TNXB: variants seen among roughly 807,000 people sequenced by gnomAD.
The protein encoded by TNXB is tenascin-X.
A neutral mutation model predicts 340.5 loss-of-function variants in TNXB; 183 were observed. The observed-to-expected ratio is 0.54, with a 90% CI of 0.48 to 0.61. TNXB has a LOEUF of 0.61. Ranked by LOEUF, TNXB falls within the 20% of genes least tolerant of loss-of-function variation. TNXB has a pLI of 0.00. For missense variants in TNXB, 4,613 were observed against 5,446.4 expected (o/e 0.85, Z 4.82); for synonymous variants, 2,121 against 2,314.5 (o/e 0.92, Z 2.40).
In TNXB at chr6:32,098,213, G is replaced by C. The variant is rs1780525968; in HGVS notation, c.-8-7C>G. On this transcript the variant is annotated splice_polypyrimidine_tract_variant and splice_region_variant and intron_variant, in intron 1 of 43. Transcript: ENST00000644971. The stretch of plus-strand genomic sequence containing the variant: ...GCTGGCATCATTCAGGAGGCTGCAG[G>C]GAGAAAGGGTAGGTATGAGAGCAGC... 6.7e-7 allele frequency: 1 copy of C among 1,487,890 alleles called. No homozygotes were observed. The highest frequency in any genetic ancestry group is 9.0e-7 in the Non-Finnish European group (1 of 1,116,014). The allele number at this position is 1,487,890 out of a possible 1,614,324, so 92.2% of individuals were successfully genotyped here.
intron 3 of TNXB, 21 bp downstream of exon 3, chr6:32,095,590 T>G: frequency 6.3e-7 from 1 of 1,599,446 alleles, no homozygotes; most frequent in East Asian, 2.2e-5. Flanking sequence ...CAGAGTACAC[T>G]GGGGAAGGCT....
chr6:32,094,094 T>A (rs1254981252), intron 4 of TNXB, among the ~76,000 whole-genome samples: 1 of 30,700 alleles, frequency 3.3e-5, no homozygotes. Context: ...ACTCTCTGTC[T>A]CAAAAAAAAA....
intron 19 of TNXB, among the ~76,000 whole-genome samples, chr6:32,063,349 C>T (rs545190770): frequency 2.6e-5 from 4 of 151,638 alleles, no homozygotes; most frequent in East Asian, 1.9e-4. Context: ...GATCGCACCA[C>T]GGCACTCCAG....
chr6:32,060,777 T>C (rs1389013064), intron 21 of TNXB, among the ~76,000 whole-genome samples: 1 of 151,934 alleles, frequency 6.6e-6, no homozygotes, highest in African/African-American at 2.4e-5. Context: ...TAACTGGGAT[T>C]ACAGGCATGT....
rs1301656647 is a variant in TNXB, at chr6:32,097,451, T to C, written c.404-2A>G. 1.9e-6 allele frequency: 3 copies of C among 1,587,536 alleles called. No homozygotes were observed. Among genetic ancestry groups the C allele is most frequent in the African/African-American group, 1.3e-5 (1 of 74,658 alleles). ...AGAGGGTCCGCACATCTGTCTGACC[T>C]GGAGTAGGAGGGGAGAGGCAAGTCT... On this transcript the variant is annotated splice_acceptor_variant, in intron 2 of 43. Coordinates refer to ENST00000644971, the MANE Select transcript of TNXB (RefSeq NM_001365276.2). LOFTEE classifies it high-confidence loss of function. The surrounding 1 kb of genome is among the most constrained non-coding windows in gnomAD (Gnocchi z 5.9).
At chr6:32,105,728 A>G (rs1780945374) in intron 1 of TNXB, among the ~76,000 whole-genome samples, 1 of 152,224 alleles carries the variant, frequency 6.6e-6, no homozygotes, top group African/African-American at 2.4e-5. Flanking sequence ...TCCTGGCAGG[A>G]CCAGATGGTA....
Position 32,085,861 on chromosome 6 carries a change from G to A in TNXB, c.3037C>T (p.Arg1013Cys), listed in dbSNP as rs778207341. The change falls in exon 7 of 44, where the codon CGC (arginine) becomes TGC (cysteine). Residue 1013 changes from arginine to cysteine, a missense_variant. By Grantham distance (180) the Arg-to-Cys change is radical. Transcript: ENST00000644971. This position sits in a 1 kb window ranked among gnomAD's most constrained non-coding sequence, Gnocchi z 6.4. ...GGGGGTGGAGGCACCAGAGCCTGGCGGACGTCCCCTGGCAGCACTTCCTCA... is the reference window on the plus strand; with the variant it reads ...GGGGGTGGAGGCACCAGAGCCTGGCAGACGTCCCCTGGCAGCACTTCCTCA... ...AHEEVLPGDV[R>C]QALVPPPPPG... The A allele has an allele frequency of 1.6e-5, 26 of 1,608,478 alleles. No homozygotes were observed. Among genetic ancestry groups the A allele is most frequent in the Non-Finnish European group, 1.7e-5 (20 of 1,178,604 alleles).
In TNXB at chr6:32,048,642, G is replaced by A. The variant is rs774464961; in HGVS notation, c.9766C>T (p.Pro3256Ser). 4.1e-6 allele frequency: 6 copies of A among 1,481,366 alleles called. No homozygotes were observed. Among genetic ancestry groups the A allele is most frequent in the Non-Finnish European group, 5.4e-6 (6 of 1,110,160 alleles). 91.8% of individuals were successfully genotyped at this position (1,481,366 alleles called of 1,614,324 possible). Reference sequence around the variant, plus strand: ...CGGGGCTCCACCGGCAGTGGTGTGGGCAGGGGCGCTGAAAAGAGCAGAGCA... The same window carrying A: ...CGGGGCTCCACCGGCAGTGGTGTGGACAGGGGCGCTGAAAAGAGCAGAGCA... The part of the protein sequence containing the change: ...VSTVGITAPL[P>S]TPLPVEPRLG... The change falls in exon 29 of 44, where the codon CCC (proline) becomes TCC (serine). Residue 3256 changes from proline to serine, a missense_variant. By Grantham distance (74) the Pro-to-Ser change is moderately conservative. Coordinates refer to ENST00000644971, the MANE Select transcript of TNXB (RefSeq NM_001365276.2).
Position 32,096,107 on chromosome 6 carries a change from G to A in TNXB, c.1746C>T (p.Gly582=). 1 of 1,607,390 alleles carries A rather than the reference G, an allele frequency of 6.2e-7. No homozygotes were observed. Among genetic ancestry groups the A allele is most frequent in the Non-Finnish European group, 8.5e-7 (1 of 1,177,740 alleles). Residue 582 remains glycine (G), a synonymous_variant, in exon 3 of 44, where the codon GGC becomes GGT. Transcript: ENST00000644971. Reference sequence around the variant, plus strand: ...GGCACTGCCTCACACCGCAATCCTCGCCAGAGTAGCCGTCCTCGCACACAC... The same window carrying A: ...GGCACTGCCTCACACCGCAATCCTCACCAGAGTAGCCGTCCTCGCACACAC... ...GRCVCEDGYS[G]EDCGVRQCPN...
Position 32,080,686 on chromosome 6 carries a change from C to G in TNXB, c.4042+682G>C, listed in dbSNP as rs749562520. ...GTAGTGAGACTCGGGCAGTTGGCTC[C>G]GGAGTCTTTGCTCCTAACCACTATC... is the stretch of plus-strand genomic sequence containing the variant. On this transcript the variant is annotated intron_variant, in intron 10 of 43. Coordinates refer to ENST00000644971, the MANE Select transcript of TNXB (RefSeq NM_001365276.2). The surrounding 1 kb of genome is among the most constrained non-coding windows in gnomAD (Gnocchi z 4.3). Among the ~76,000 whole-genome samples, 1 of 152,132 alleles carries G rather than the reference C, an allele frequency of 6.6e-6. No individual in the cohort carries two copies. The highest frequency in any genetic ancestry group is 1.9e-4 in the East Asian group (1 of 5,192).
chr6:32,102,918 C>G (rs1189966107), intron 1 of TNXB, among the ~76,000 whole-genome samples: 2 of 151,460 alleles, frequency 1.3e-5, no homozygotes, highest in Admixed American at 6.6e-5. Context: ...GACTCTATGT[C>G]AAAAAACAAA....
Position 32,097,246 on chromosome 6 carries a change from C to T in TNXB, c.607G>A (p.Val203Met), listed in dbSNP as rs41270461. 0.05 allele frequency: 80,150 copies of T among 1,608,376 alleles called. 2,913 individuals carry two copies. Among genetic ancestry groups the T allele is most frequent in the Middle Eastern group, 0.17 (1,007 of 6,050 alleles). ...GGGCCAGTGTAGCCGGGAAAGCACA[C>T]GCAACGACCACGGACACAGCGACCC... ...DQGRCVRGRC[V>M]CFPGYTGPSC... Residue 203 changes from valine (V) to methionine (M), a missense_variant, in exon 3 of 44, where the codon GTG (valine) becomes ATG (methionine). Physicochemically the swap from Val to Met is conservative, Grantham distance 21. This residue lies in a region of TNXB where 4,327 missense variants were observed against 4,859.4 expected (regional missense o/e 0.89). Coordinates refer to ENST00000644971, the MANE Select transcript of TNXB (RefSeq NM_001365276.2). The surrounding 1 kb of genome is among the most constrained non-coding windows in gnomAD (Gnocchi z 5.9).
In TNXB at chr6:32,085,756, T is replaced by C; in HGVS notation, c.3142A>G (p.Ile1048Val). 1.3e-6 allele frequency: 2 copies of C among 1,543,238 alleles called. No individual in the cohort carries two copies. The highest frequency in any genetic ancestry group is 1.7e-6 in the Non-Finnish European group (2 of 1,143,664). ...KPSDPIIYQG[I>V]MDKDEEKPGK... The stretch of plus-strand genomic sequence containing the variant: ...AGCAGAGTCCAAGATGTACCCATAA[T>C]GCCTTGGTAGATGATGGGGTCAGAG... The change falls in exon 7 of 44, where the codon ATT becomes GTT. Residue 1048 changes from isoleucine to valine, a missense_variant. Ile to Val is a conservative substitution (Grantham distance 29). Coordinates refer to ENST00000644971, the MANE Select transcript of TNXB (RefSeq NM_001365276.2). The surrounding 1 kb of genome is among the most constrained non-coding windows in gnomAD (Gnocchi z 6.4).
rs1430973351 is a variant in TNXB at position 32,080,815 on chromosome 6, T to C, written c.4042+553A>G. On this transcript the variant is annotated intron_variant, in intron 10 of 43. Coordinates refer to ENST00000644971, the MANE Select transcript of TNXB (RefSeq NM_001365276.2). This position sits in a 1 kb window ranked among gnomAD's most constrained non-coding sequence, Gnocchi z 4.3. ...GGCTGGGATGCTGGGCTGAACACAA[T>C]CCCTTTGCCCTGTTCCAAGGGGGCT... Among the ~76,000 whole-genome samples, 1 of 152,036 alleles carries C rather than the reference T, an allele frequency of 6.6e-6. No homozygotes were observed. The highest frequency in any genetic ancestry group is 2.4e-5 in the African/African-American group (1 of 41,400).
In TNXB at chr6:32,046,169, C is replaced by G; in HGVS notation, c.10606+6G>C. The G allele has an allele frequency of 6.3e-7, 1 of 1,578,572 alleles. No individual in the cohort carries two copies. Among genetic ancestry groups the G allele is most frequent in the Non-Finnish European group, 8.6e-7 (1 of 1,156,636 alleles). On this transcript the variant is annotated splice_donor_region_variant and intron_variant, in intron 31 of 43. Coordinates refer to ENST00000644971, the MANE Select transcript of TNXB (RefSeq NM_001365276.2). This position sits in a 1 kb window ranked among gnomAD's most constrained non-coding sequence, Gnocchi z 6.9. The stretch of plus-strand genomic sequence containing the variant: ...GGCTTGCTATAGCCAGGCACAGCAG[C>G]CTCACCTGTCATTCCCAGGGCAGAG...
chr6:32,043,592 G>A (rs71565305), intron 35 of TNXB, 36 bp from the exon 36 acceptor site: 9 of 1,199,280 alleles, frequency 7.5e-6, no homozygotes, highest in African/African-American at 3.2e-5. Flanking sequence ...GGGTCCCCGC[G>A]GCTCTCTCTA....
At chr6:32,091,523 G>A (rs559569891) in intron 4 of TNXB, among the ~76,000 whole-genome samples, 31 of 151,166 alleles carry the variant, frequency 2.1e-4, no homozygotes, top group Non-Finnish European at 4.0e-4. Context: ...TGTCTCCCAG[G>A]CTGGAGTGCA....
rs1158643816 is a variant in TNXB, at chr6:32,043,632, C to T, written c.11531-76G>A. ...GTGCCTCCCCAGACTCCACTGGCCT[C>T]CCGTCCGCAATCGGAGCCTCCACCA... On this transcript the variant is annotated intron_variant, in intron 35 of 43. Transcript: ENST00000644971. The T allele has an allele frequency of 1.5e-4, 220 of 1,453,668 alleles. 1 individual carries two copies. Among genetic ancestry groups the T allele is most frequent in the Non-Finnish European group, 2.1e-4 (215 of 1,043,392 alleles). The allele number at this position is 1,453,668 out of a possible 1,614,324, so 90.0% of individuals were successfully genotyped here.
In TNXB at chr6:32,058,074, A is replaced by C; in HGVS notation, c.7809T>G (p.Ser2603=). 6.2e-7 allele frequency: 1 copy of C among 1,609,122 alleles called. No homozygotes were observed. The highest frequency in any genetic ancestry group is 1.7e-5 in the Admixed American group (1 of 59,748). ...LHEGRRLGPV[S]AVGVTEDEAE... Reference sequence around the variant, plus strand: ...CTCACTCACCTGTGACGCCCACGGCAGACACCGGGCCCAGGCGCCGCCCCT... The same window carrying C: ...CTCACTCACCTGTGACGCCCACGGCCGACACCGGGCCCAGGCGCCGCCCCT... Residue 2603 remains serine, a synonymous_variant, in exon 22 of 44, where the codon TCT becomes TCG. Coordinates refer to ENST00000644971, the MANE Select transcript of TNXB (RefSeq NM_001365276.2). This position sits in a 1 kb window ranked among gnomAD's most constrained non-coding sequence, Gnocchi z 5.1.
Sources: allele counts gnomAD v4.1 joint callset (sites outside exome capture counted in the v4.1 genomes callset), GRCh38; gene constraint gnomAD v4.1.1; regional missense constraint gnomAD v4.1.1; non-coding constraint Gnocchi (gnomAD v3.1); transcripts MANE v1.5; gene names NCBI Gene and HGNC (gene_info 2026-07-23, HGNC 2026-07-21).